XYLT1: variants seen among roughly 807,000 people sequenced by gnomAD.
XYLT1 encodes the protein beta-D-xylosyltransferase 1.
Under a neutral mutation model 91.3 loss-of-function variants are expected in XYLT1, and 36 were observed. The observed-to-expected ratio is 0.39, with a 90% confidence interval of 0.30 to 0.52. XYLT1 has a LOEUF of 0.52. Ranked by LOEUF, XYLT1 falls within the 20% of genes least tolerant of loss-of-function variation. XYLT1 has a pLI of 0.68. For missense variants in XYLT1, 1,242 were observed against 1,284.5 expected (o/e 0.97, Z 0.51); for synonymous variants, 588 against 532.0 (o/e 1.11, Z -1.45).
chr16:17,304,748 C>T (rs1044429592), intron 2 of XYLT1, among the ~76,000 whole-genome samples: 10 of 152,172 alleles, frequency 6.6e-5, no homozygotes, highest in African/African-American at 1.2e-4. Flanking sequence ...TCTTTGCCCA[C>T]GGTGAGTAAG....
chr16:17,154,869 G>A (rs1231432249), intron 6 of XYLT1, among the ~76,000 whole-genome samples: 4 of 152,162 alleles, frequency 2.6e-5, no homozygotes, highest in African/African-American at 4.8e-5. Context: ...ATTAAAAACC[G>A]AGGCACCCCG....
At chr16:17,216,429 T>C (rs752723381) in intron 3 of XYLT1, among the ~76,000 whole-genome samples, 8 of 152,184 alleles carry the variant, frequency 5.3e-5, no homozygotes, top group Non-Finnish European at 8.8e-5. Flanking sequence ...AAAATCCTCA[T>C]AGTAATCACA....
intron 10 of XYLT1, among the ~76,000 whole-genome samples, chr16:17,122,998 G>T (rs956115831): frequency 6.6e-6 from 1 of 152,154 alleles, no homozygotes; most frequent in African/African-American, 2.4e-5. Context: ...ATGCTTTAAG[G>T]TTGGGTAATG....
chr16:17,259,038 T>C lies in XYLT1; in HGVS notation c.863A>G (p.Lys288Arg), dbSNP rs762174853. ...QEIGETYCRHKLGLLMPEKVT... is the reference protein window; with the variant it reads ...QEIGETYCRHRLGLLMPEKVT... ...CTTCTCAGGCATCAGCAGCCCTAAC[T>C]TGTGGCGGCAGTAAGTCTCCCCAAT... Residue 288 changes from lysine (K) to arginine (R), a missense_variant, in exon 3 of 12, where the codon AAG becomes AGG. Physicochemically the swap from Lys to Arg is conservative, Grantham distance 26. Coordinates refer to ENST00000261381, the MANE Select transcript of XYLT1 (RefSeq NM_022166.4). 2.6e-6 allele frequency: 4 copies of C among 1,515,396 alleles called. No homozygotes were observed. Among genetic ancestry groups the C allele is most frequent in the South Asian group, 1.3e-5 (1 of 74,662 alleles). 93.9% of individuals were successfully genotyped at this position (1,515,396 alleles called of 1,614,324 possible).
intron 5 of XYLT1, among the ~76,000 whole-genome samples, chr16:17,166,085 T>G (rs996156018): frequency 2.0e-5 from 3 of 152,210 alleles, no homozygotes; most frequent in African/African-American, 7.2e-5. Flanking sequence ...CTGGTGGGGT[T>G]AAGCAGGGGC....
chr16:17,231,362 G>A lies in XYLT1; in HGVS notation c.913+27626C>T, dbSNP rs148447053. On this transcript the variant is annotated intron_variant, in intron 3 of 11. Coordinates refer to ENST00000261381, the MANE Select transcript of XYLT1 (RefSeq NM_022166.4). ...ATCCTACAGGGCCTTTCTCCCCACA[G>A]GCAGTGGGGGGCAGTGGGGTGCAGT... 5.9e-5 allele frequency among the ~76,000 whole-genome samples: 9 copies of A among 152,298 alleles called. 2 individuals carry two copies. In the South Asian group the frequency reaches 1.9e-3, roughly 32 times the overall value.
intron 1 of XYLT1, among the ~76,000 whole-genome samples, chr16:17,418,816 C>G (rs1023529519): frequency 6.6e-6 from 1 of 151,608 alleles, no homozygotes; most frequent in Non-Finnish European, 1.5e-5. Flanking sequence ...CCACTGCACT[C>G]CAGCCTGGGT....
chr16:17,432,248 G>A (rs1459759036), intron 1 of XYLT1, among the ~76,000 whole-genome samples: 1 of 152,164 alleles, frequency 6.6e-6, no homozygotes, highest in Non-Finnish European at 1.5e-5. Context: ...GAAAACATAT[G>A]TCCACACCCA....
chr16:17,413,150 G>C (rs2036133979), intron 1 of XYLT1, among the ~76,000 whole-genome samples: 1 of 152,200 alleles, frequency 6.6e-6, no homozygotes, highest in Non-Finnish European at 1.5e-5. Context: ...AGCCCAAAGA[G>C]AGGTATGGCC....
chr16:17,109,446 C>A (rs1966824021), intron 11 of XYLT1, among the ~76,000 whole-genome samples: 1 of 151,948 alleles, frequency 6.6e-6, no homozygotes, highest in African/African-American at 2.4e-5. Flanking sequence ...GTGGAGCAAA[C>A]CAGATAGGAA....
intron 2 of XYLT1, among the ~76,000 whole-genome samples, chr16:17,328,082 A>G (rs1596484338): frequency 6.6e-6 from 1 of 151,862 alleles, no homozygotes; most frequent in African/African-American, 2.4e-5. Context: ...AGACCACGTA[A>G]CCTCCCTTTC....
rs1458207950 is a variant in XYLT1, at chr16:17,102,304, G to T, written c.*6391C>A. On this transcript the variant is annotated 3_prime_UTR_variant, in exon 12 of 12. Coordinates refer to ENST00000261381, the MANE Select transcript of XYLT1 (RefSeq NM_022166.4). ...TAAAGATGCACAATGTTGCTGAAAA[G>T]AAGCCACATATAGTCACTGTTCCAT... is the stretch of plus-strand genomic sequence containing the variant. 6.6e-6 allele frequency: 1 copy of T among 152,608 alleles called. No individual in the cohort carries two copies. Among genetic ancestry groups the T allele is most frequent in the African/African-American group, 2.4e-5 (1 of 41,458 alleles). The allele number at this position is 152,608 out of a possible 1,614,324, so 9.5% of individuals were successfully genotyped here.
At chr16:17,242,978 T>C (rs1018437908) in intron 3 of XYLT1, among the ~76,000 whole-genome samples, 1 of 152,246 alleles carries the variant, frequency 6.6e-6, no homozygotes, top group Admixed American at 6.5e-5. Context: ...AGTATTCCAC[T>C]GTATGTGTAG....
intron 5 of XYLT1, among the ~76,000 whole-genome samples, chr16:17,166,248 T>C (rs900555623): frequency 5.3e-5 from 8 of 152,232 alleles, no homozygotes; most frequent in African/African-American, 1.7e-4. Flanking sequence ...GGTGATCATC[T>C]GTCTGCCAAC....
chr16:17,413,456 T>C (rs938885609), intron 1 of XYLT1, among the ~76,000 whole-genome samples: 89 of 151,660 alleles, frequency 5.9e-4, no homozygotes, highest in African/African-American at 1.8e-3. Flanking sequence ...TTTTTTTTTT[T>C]GAGACAGGGT....
At chr16:17,369,449 T>C (rs1441988111) in intron 1 of XYLT1, 5 of 152,168 alleles carry the variant, frequency 3.3e-5, no homozygotes, top group Non-Finnish European at 7.3e-5. Context: ...CCCCTTCTGT[T>C]TGCCACAACC....
At chr16:17,375,362 C>T (rs2035585067) in intron 1 of XYLT1, among the ~76,000 whole-genome samples, 1 of 151,998 alleles carries the variant, frequency 6.6e-6, no homozygotes, top group South Asian at 2.1e-4. Flanking sequence ...CAAGAGGGAC[C>T]TGGCTTTAGT....
At chr16:17,118,805 C>A (rs1266936863) in intron 10 of XYLT1, among the ~76,000 whole-genome samples, 1 of 152,142 alleles carries the variant, frequency 6.6e-6, no homozygotes, top group Non-Finnish European at 1.5e-5. Context: ...TCCATGACCC[C>A]CTCCCCATCT....
chr16:17,403,347 G>C (rs11075349), intron 1 of XYLT1: 75,035 of 152,060 alleles, frequency 0.49, 19,917 homozygotes, highest in African/African-American at 0.67. Flanking sequence ...TGCCAGGGCC[G>C]GCGATTTTAA....
Sources: allele counts gnomAD v4.1 joint callset (sites outside exome capture counted in the v4.1 genomes callset), GRCh38; gene constraint gnomAD v4.1.1; transcripts MANE v1.5; gene names NCBI Gene and HGNC (gene_info 2026-07-23, HGNC 2026-07-21).